The following ANKS1B variants were observed in gnomAD, a reference collection of about 807,000 sequenced individuals.
ANKS1B encodes ankyrin repeat and sterile alpha motif domain containing 1B.
ANKS1B carries 36 observed loss-of-function variants against 148.3 expected under a neutral mutation model. The ratio of observed to expected loss-of-function variants is 0.24; its 90% CI spans 0.19 to 0.32. The LOEUF (loss-of-function observed/expected upper bound fraction) is 0.32, where lower values mean the gene tolerates loss of function less well. ANKS1B is among the 10% of genes least tolerant of loss of function. ANKS1B has a pLI of 1.00. For synonymous variants in ANKS1B, 542 were observed against 560.8 expected, an observed-to-expected ratio of 0.97 and a Z score of 0.47; for missense variants, 1,157 against 1,542.6, an observed-to-expected ratio of 0.75 and a Z score of 4.19.
At chr12:99,775,797 A>T in intron 6 of ANKS1B, 136 bp from the exon 7 acceptor site, 1 of 472,220 alleles carries the variant, frequency 2.1e-6, no homozygotes, top group Non-Finnish European at 3.7e-6. Flanking sequence ...TTTCAAAAGA[A>T]CTTCAAAAAA....
At chr12:98,874,769 T>C (rs1440784937) in intron 17 of ANKS1B, among the ~76,000 whole-genome samples, 1 of 152,020 alleles carries the variant, frequency 6.6e-6, no homozygotes, top group Non-Finnish European at 1.5e-5. Context: ...AATGCACACA[T>C]GAAAGGAGAA....
intron 14 of ANKS1B, among the ~76,000 whole-genome samples, chr12:99,183,767 CA>C (rs1308961928): frequency 2.0e-5 from 3 of 152,164 alleles, no homozygotes; most frequent in African/African-American, 7.2e-5. Context: ...TAATTTTCCT[CA>C]TGAATCTCCA....
chr12:99,045,271 A>T (rs1462758002), intron 17 of ANKS1B, among the ~76,000 whole-genome samples: 1 of 152,162 alleles, frequency 6.6e-6, no homozygotes, highest in Non-Finnish European at 1.5e-5. Context: ...TGTGTTTTTT[A>T]AAAAATTAAT....
At chr12:98,905,716 G>A (rs1175490271) in intron 17 of ANKS1B, among the ~76,000 whole-genome samples, 1 of 152,044 alleles carries the variant, frequency 6.6e-6, no homozygotes. Flanking sequence ...AGGCTGTAGT[G>A]AGCCAAGATC....
chr12:99,491,084 G>A (rs953028474), intron 10 of ANKS1B, among the ~76,000 whole-genome samples: 1 of 152,172 alleles, frequency 6.6e-6, no homozygotes, highest in African/African-American at 2.4e-5. Flanking sequence ...TTGGGAGGCC[G>A]AGGCAGGCGG....
intron 1 of ANKS1B, among the ~76,000 whole-genome samples, chr12:99,856,347 T>C (rs1372906645): frequency 1.3e-5 from 2 of 151,942 alleles, no homozygotes; most frequent in Non-Finnish European, 2.9e-5. Flanking sequence ...TATACAGCCC[T>C]CCTACATTAA....
chr12:99,596,431 T>C (rs1044842732), intron 9 of ANKS1B, among the ~76,000 whole-genome samples: 1 of 151,820 alleles, frequency 6.6e-6, no homozygotes, highest in Admixed American at 6.6e-5. Context: ...AAAAATCATA[T>C]TGGATTTAGA....
intron 12 of ANKS1B, among the ~76,000 whole-genome samples, chr12:99,367,587 T>C (rs1254589579): frequency 6.6e-6 from 1 of 152,208 alleles, no homozygotes; most frequent in African/African-American, 2.4e-5. Context: ...ACAAGGTTAC[T>C]TACTGCTGTA....
chr12:99,760,675 T>TA (rs1365562998), intron 8 of ANKS1B, among the ~76,000 whole-genome samples: 2 of 149,866 alleles, frequency 1.3e-5, no homozygotes, highest in Admixed American at 1.3e-4. Context: ...AGAAAAGAAA[T>TA]AAATAAAATA....
chr12:98,801,229 A>G lies in ANKS1B; in HGVS notation c.3142-104T>C, dbSNP rs1253120354. 2.6e-6 allele frequency: 3 copies of G among 1,173,712 alleles called. No individual in the cohort carries two copies. Among genetic ancestry groups the G allele is most frequent in the African/African-American group, 1.5e-5 (1 of 65,232 alleles). 72.7% of individuals were successfully genotyped at this position (1,173,712 alleles called of 1,614,324 possible). A position where few individuals can be genotyped will look rare whatever the true frequency, so the allele number is the denominator to read the frequency against. On this transcript the variant is annotated intron_variant, in intron 20 of 26. Transcript: ENST00000683438. This position sits in a 1 kb window ranked among gnomAD's most constrained non-coding sequence, Gnocchi z 5.2. Reference sequence around the variant, plus strand: ...ACACACAGGTGCTGTGAATGTACCAAAATGCATTTGGGTGTCTTATGTGAA... The same window carrying G: ...ACACACAGGTGCTGTGAATGTACCAGAATGCATTTGGGTGTCTTATGTGAA...
chr12:99,652,995 T>A (rs1350502867), intron 9 of ANKS1B, among the ~76,000 whole-genome samples: 1 of 152,172 alleles, frequency 6.6e-6, no homozygotes, highest in African/African-American at 2.4e-5. Flanking sequence ...GATGCACTTG[T>A]ACACATACAA....
intron 17 of ANKS1B, among the ~76,000 whole-genome samples, chr12:99,032,388 G>T (rs1007498846): frequency 6.6e-6 from 1 of 152,272 alleles, no homozygotes; most frequent in Non-Finnish European, 1.5e-5. Flanking sequence ...CCCTCTGAAG[G>T]CTCAAGGGGA....
chr12:98,897,372 C>T (rs2099766195), intron 17 of ANKS1B, among the ~76,000 whole-genome samples: 1 of 150,932 alleles, frequency 6.6e-6, no homozygotes, highest in African/African-American at 2.4e-5. Flanking sequence ...GAACTCCAAT[C>T]AACAAGAAAA....
intron 12 of ANKS1B, among the ~76,000 whole-genome samples, chr12:99,390,851 AG>A (rs35258718): frequency 6.6e-6 from 1 of 152,238 alleles, no homozygotes; most frequent in African/African-American, 2.4e-5. Context: ...CAGCTTGGCA[AG>A]GGGAGAGGTG....
At chr12:99,318,132 T>A (rs1465808621) in intron 12 of ANKS1B, among the ~76,000 whole-genome samples, 1 of 152,204 alleles carries the variant, frequency 6.6e-6, no homozygotes, top group Non-Finnish European at 1.5e-5. Flanking sequence ...TTCTCTTTTA[T>A]TGTTGTGTCT....
chr12:99,025,645 A>C (rs958970612), intron 17 of ANKS1B, among the ~76,000 whole-genome samples: 1 of 152,190 alleles, frequency 6.6e-6, no homozygotes, highest in African/African-American at 2.4e-5. Flanking sequence ...ACAAGGTCAG[A>C]CGGGAACCCC....
At chr12:99,819,387 G>A (rs1050762222) in intron 2 of ANKS1B, among the ~76,000 whole-genome samples, 1 of 151,732 alleles carries the variant, frequency 6.6e-6, no homozygotes, top group Non-Finnish European at 1.5e-5. Context: ...TCAGAGACCA[G>A]ATTATACAAT....
chr12:99,335,948 C>T (rs2088752558), intron 12 of ANKS1B, among the ~76,000 whole-genome samples: 1 of 152,084 alleles, frequency 6.6e-6, no homozygotes, highest in Admixed American at 6.6e-5. Context: ...TACTGTTCTC[C>T]ATAGTGGCTC....
chr12:98,997,449 T>C (rs892274412), intron 17 of ANKS1B, among the ~76,000 whole-genome samples: 2 of 151,472 alleles, frequency 1.3e-5, no homozygotes, highest in Admixed American at 1.3e-4. Flanking sequence ...GTCACCAGGC[T>C]GGAGTGCAGT....
Sources: gnomAD v4.1 joint callset for allele counts (sites outside exome capture counted in the v4.1 genomes callset) on GRCh38, gnomAD v4.1.1 for gene constraint, Gnocchi (gnomAD v3.1) non-coding constraint, MANE v1.5 for transcripts, NCBI Gene and HGNC (gene_info 2026-07-23, HGNC 2026-07-21) for gene names.